RSPH4A: variants seen among roughly 807,000 people sequenced by gnomAD.
RSPH4A encodes the protein radial spoke head protein 4 homolog A.
In RSPH4A, 47 loss-of-function variants were observed where a neutral mutation model predicts 71.0. The ratio of observed to expected loss-of-function variants is 0.66; its 90% CI spans 0.52 to 0.84. The LOEUF is 0.84. RSPH4A is among the 40% of genes least tolerant of loss of function. RSPH4A has a pLI of 0.00. For missense variants in RSPH4A, 793 were observed against 855.2 expected, an observed-to-expected ratio of 0.93 and a Z score of 0.91; for synonymous variants, 282 against 302.3, an observed-to-expected ratio of 0.93 and a Z score of 0.70.
chr6:116,617,379 AGT>A (rs1775528782), intron 1 of RSPH4A, 70 bp downstream of exon 1: 1 of 1,105,852 alleles, frequency 9.0e-7, no homozygotes, highest in East Asian at 2.4e-5. Flanking sequence ...TCTGTGTGAG[AGT>A]GTGTTTCTGT....
chr6:116,621,609 A>G (rs1386862593), intron 1 of RSPH4A, among the ~76,000 whole-genome samples: 1 of 152,214 alleles, frequency 6.6e-6, no homozygotes, highest in Non-Finnish European at 1.5e-5. Context: ...CTGGGGAAGG[A>G]TGATTTTGGG....
intron 1 of RSPH4A, among the ~76,000 whole-genome samples, chr6:116,619,281 G>A (rs940807364): frequency 2.0e-5 from 3 of 152,150 alleles, no homozygotes; most frequent in Non-Finnish European, 1.5e-5. Context: ...CCTCTCTGTG[G>A]AGCATTCTTT....
rs762267064 is a variant in RSPH4A, at chr6:116,628,196, G to GT, written c.1490dup (p.Ser498GlnfsTer10). On this transcript the variant is annotated frameshift_variant, in exon 3 of 6. Transcript: ENST00000229554. LOFTEE classifies it high-confidence loss of function. ...TGCCCGAATTTCAGCAGGAACCCAC[G>GT]TCAGTCCTCTAGGATTTTATCAGTT... 10 of 1,613,958 alleles carry GT rather than the reference G, an allele frequency of 6.2e-6. No individual in the cohort carries two copies. The highest frequency in any genetic ancestry group is 8.5e-6 in the Non-Finnish European group (10 of 1,180,000).
chr6:116,623,380 C>T (rs1383925687), intron 2 of RSPH4A, among the ~76,000 whole-genome samples: 1 of 152,204 alleles, frequency 6.6e-6, no homozygotes, highest in Non-Finnish European at 1.5e-5. Flanking sequence ...GCTACTGCAC[C>T]TGGCCCTTAT....
intron 5 of RSPH4A, among the ~76,000 whole-genome samples, chr6:116,630,845 G>GTTTT (rs1285123787): frequency 0.014 from 965 of 67,592 alleles, 82 homozygotes; most frequent in Middle Eastern, 0.024. Flanking sequence ...GCTAATTTTT[G>GTTTT]TATTTTTTTT....
At chr6:116,625,065 A>G (rs1775672297) in intron 2 of RSPH4A, among the ~76,000 whole-genome samples, 2 of 18,474 alleles carry the variant, frequency 1.1e-4, no homozygotes, top group South Asian at 5.6e-3. Context: ...AGGATAATCA[A>G]GTGGCTTAAG....
intron 2 of RSPH4A, 85 bp from the exon 3 acceptor site, chr6:116,627,541 AAGT>A: frequency 9.5e-7 from 1 of 1,055,486 alleles, no homozygotes; most frequent in East Asian, 2.4e-5. Flanking sequence ...GTGGTGGAGA[AAGT>A]AGAATATCGA....
rs1386583001 is a variant in RSPH4A, at chr6:116,617,177, A to G, written c.554A>G (p.Asp185Gly). 1 of 1,614,040 alleles carries G rather than the reference A, an allele frequency of 6.2e-7. No individual in the cohort carries two copies. The highest frequency in any genetic ancestry group is 1.7e-5 in the Admixed American group (1 of 60,002). Reference sequence around the variant, plus strand: ...AGATTTGACGTTTTTCAGGAGGAAGACTCAAACAGTGACTATGATTTACAG... The same window carrying G: ...AGATTTGACGTTTTTCAGGAGGAAGGCTCAAACAGTGACTATGATTTACAG... ...ELRFDVFQEE[D>G]SNSDYDLQQP... The change falls in exon 1 of 6, where the codon GAC becomes GGC. Residue 185 changes from aspartate (D) to glycine (G), a missense_variant. Physicochemically the swap from Asp to Gly is moderately conservative, Grantham distance 94. Coordinates refer to ENST00000229554, the MANE Select transcript of RSPH4A (RefSeq NM_001010892.3).
At chr6:116,630,384 G>A in intron 4 of RSPH4A, 51 bp from the exon 5 acceptor site, 1 of 925,036 alleles carries the variant, frequency 1.1e-6, no homozygotes, top group Non-Finnish European at 1.8e-6. Context: ...TTACACAGTA[G>A]ATTCTTGTCT....
intron 4 of RSPH4A, 34 bp downstream of exon 4, chr6:116,629,736 C>T (rs1554249563): frequency 3.8e-6 from 6 of 1,569,698 alleles, no homozygotes; most frequent in South Asian, 1.1e-5. Context: ...CACACAGACA[C>T]ACAAACAATA....
chr6:116,616,836 G>T lies in RSPH4A; in HGVS notation c.213G>T (p.Leu71=). The part of the protein sequence containing the change: ...WSPQSRAKTP[L]GGPAGPETSS... ...CGCAGTCTAGAGCCAAGACGCCTCTGGGTGGCCCCGCGGGACCAGAAACAT... is the reference window on the plus strand; with the variant it reads ...CGCAGTCTAGAGCCAAGACGCCTCTTGGTGGCCCCGCGGGACCAGAAACAT... The change falls in exon 1 of 6, where the codon CTG becomes CTT. Residue 71 remains leucine, a synonymous_variant. Coordinates refer to ENST00000229554, the MANE Select transcript of RSPH4A (RefSeq NM_001010892.3). The T allele has an allele frequency of 6.2e-7, 1 of 1,614,050 alleles. No individual in the cohort carries two copies. The highest frequency in any genetic ancestry group is 8.5e-7 in the Non-Finnish European group (1 of 1,179,970).
At chr6:116,631,365 G>C (rs773495854) in intron 5 of RSPH4A, among the ~76,000 whole-genome samples, 2 of 152,128 alleles carry the variant, frequency 1.3e-5, no homozygotes, top group Non-Finnish European at 2.9e-5. Context: ...AGAAAGCTTT[G>C]ACATCCCCCT....
intron 1 of RSPH4A, among the ~76,000 whole-genome samples, chr6:116,618,856 C>A (rs777039489): frequency 4.6e-5 from 7 of 152,228 alleles, no homozygotes; most frequent in Non-Finnish European, 8.8e-5. Flanking sequence ...GACTGCCCCA[C>A]ACTTCCAATG....
chr6:116,631,773 C>T (rs1323226440), intron 5 of RSPH4A, among the ~76,000 whole-genome samples: 3 of 152,166 alleles, frequency 2.0e-5, no homozygotes, highest in Non-Finnish European at 4.4e-5. Context: ...TTTGTGATTG[C>T]CTATGGTCAT....
chr6:116,627,368 T>TTTTGTA (rs1406386461), intron 2 of RSPH4A, among the ~76,000 whole-genome samples: 2 of 152,130 alleles, frequency 1.3e-5, no homozygotes, highest in African/African-American at 4.8e-5. Context: ...TCCAGCTAAC[T>TTTTGTA]TTTGTATTTG....
intron 1 of RSPH4A, among the ~76,000 whole-genome samples, 185 bp from the exon 2 acceptor site, chr6:116,622,579 AAACT>A (rs1219303025): frequency 1.3e-5 from 2 of 152,318 alleles, no homozygotes; most frequent in Middle Eastern, 3.4e-3. Context: ...CCTTAAAAAC[AAACT>A]GAGTCTGCAA....
At chr6:116,618,617 G>A (rs9400937) in intron 1 of RSPH4A, among the ~76,000 whole-genome samples, 28,488 of 152,148 alleles carry the variant, frequency 0.19, 2,793 homozygotes, top group East Asian at 0.29. Context: ...GGGTTCAAGC[G>A]ATTCTCCTAC....
In RSPH4A at chr6:116,632,616, T is replaced by A; in HGVS notation, c.*175T>A. 1.3e-6 allele frequency: 1 copy of A among 791,568 alleles called. No individual in the cohort carries two copies. The highest frequency in any genetic ancestry group is 1.9e-6 in the Non-Finnish European group (1 of 518,012). 49.0% of individuals were successfully genotyped at this position (791,568 alleles called of 1,614,324 possible). On this transcript the variant is annotated 3_prime_UTR_variant, in exon 6 of 6. Coordinates refer to ENST00000229554, the MANE Select transcript of RSPH4A (RefSeq NM_001010892.3). ...CTTGAAATTTCATAGGTAGAAATATTAGCATTTTTATTGAAAGATACTCAC... is the reference window on the plus strand; with the variant it reads ...CTTGAAATTTCATAGGTAGAAATATAAGCATTTTTATTGAAAGATACTCAC...
In RSPH4A at chr6:116,632,959, A is replaced by G. The variant is rs1334163429; in HGVS notation, c.*518A>G. ...AACCTTTGTAAGAACTGATCTCAGC[A>G]TGTATTCTTAAACCTTTGTAATTAC... On this transcript the variant is annotated 3_prime_UTR_variant, in exon 6 of 6. Coordinates refer to ENST00000229554, the MANE Select transcript of RSPH4A (RefSeq NM_001010892.3). 6.1e-6 allele frequency: 1 copy of G among 164,842 alleles called. No homozygotes were observed. The highest frequency in any genetic ancestry group is 1.3e-5 in the Non-Finnish European group (1 of 75,082). The allele number at this position is 164,842 out of a possible 1,614,324, so 10.2% of individuals were successfully genotyped here.
Sources: allele counts gnomAD v4.1 joint callset (sites outside exome capture counted in the v4.1 genomes callset), GRCh38; gene constraint gnomAD v4.1.1; transcripts MANE v1.5; gene names NCBI Gene and HGNC (gene_info 2026-07-23, HGNC 2026-07-21).